Variants in PTPRD observed in about 807,000 individuals in gnomAD.
PTPRD encodes receptor-type tyrosine-protein phosphatase delta.
In PTPRD, 34 loss-of-function variants were observed where a neutral mutation model predicts 214.5. The ratio of observed to expected loss-of-function variants is 0.16; its 90% CI spans 0.12 to 0.21. The LOEUF is 0.21. Ranked by LOEUF, PTPRD falls within the 10% of genes least tolerant of loss-of-function variation. PTPRD has a pLI of 1.00. For missense variants in PTPRD, 2,545 were observed against 2,398.7 expected (o/e 1.06, Z -1.27); for synonymous variants, 1,128 against 845.7 (o/e 1.33, Z -5.79).
In PTPRD at chr9:9,528,492, T is replaced by A. The variant is rs561569663; in HGVS notation, c.-237+46240A>T. On this transcript the variant is annotated intron_variant, in intron 8 of 45. Transcript: ENST00000381196. Reference sequence around the variant, plus strand: ...AAGATTGATAACAATGTAAATAACATCAATTTATGTCATTGAGTTCCCAGG... The same window carrying A: ...AAGATTGATAACAATGTAAATAACAACAATTTATGTCATTGAGTTCCCAGG... 4.6e-5 allele frequency among the ~76,000 whole-genome samples: 7 copies of A among 152,182 alleles called. No individual in the cohort carries two copies. In the South Asian group the frequency reaches 1.5e-3, roughly 32 times the overall value.
At chr9:9,574,414 T>A (rs2087670919) in intron 8 of PTPRD, among the ~76,000 whole-genome samples, 1 of 152,002 alleles carries the variant, frequency 6.6e-6, no homozygotes, top group Non-Finnish European at 1.5e-5. Context: ...CAAATAGACT[T>A]CATTATGAAA....
At chr9:8,708,696 A>AC (rs2098262860) in intron 12 of PTPRD, among the ~76,000 whole-genome samples, 1 of 147,794 alleles carries the variant, frequency 6.8e-6, no homozygotes, top group African/African-American at 2.4e-5. Context: ...AAAAAAAAAA[A>AC]AAAAAAAACA....
At chr9:8,903,273 T>A (rs2098685182) in intron 11 of PTPRD, among the ~76,000 whole-genome samples, 1 of 152,160 alleles carries the variant, frequency 6.6e-6, no homozygotes, top group Non-Finnish European at 1.5e-5. Flanking sequence ...CTGAGCATAG[T>A]ACTCGACTAT....
intron 11 of PTPRD, among the ~76,000 whole-genome samples, chr9:8,950,269 A>G (rs1470400682): frequency 2.0e-5 from 3 of 152,166 alleles, no homozygotes; most frequent in Non-Finnish European, 4.4e-5. Flanking sequence ...GTAATTTAGA[A>G]ATTATGCATG....
intron 3 of PTPRD, among the ~76,000 whole-genome samples, chr9:10,198,946 G>C (rs748868992): frequency 6.6e-6 from 1 of 152,036 alleles, no homozygotes; most frequent in African/African-American, 2.4e-5. Flanking sequence ...TTTAAACTTT[G>C]AATGGTTCAA....
intron 2 of PTPRD, among the ~76,000 whole-genome samples, chr9:10,381,114 C>A (rs1052128913): frequency 2.0e-5 from 3 of 151,290 alleles, no homozygotes; most frequent in African/African-American, 7.3e-5. Context: ...AAAAAAAAGA[C>A]AAAAAGTAAC....
chr9:10,425,472 G>A (rs2098604841), intron 2 of PTPRD, among the ~76,000 whole-genome samples: 1 of 151,798 alleles, frequency 6.6e-6, no homozygotes, highest in Non-Finnish European at 1.5e-5. Flanking sequence ...TTTATCATCA[G>A]TAATGTGCTA....
At chr9:8,934,482 T>TATATTA (rs1567100350) in intron 11 of PTPRD, among the ~76,000 whole-genome samples, 99 of 7,628 alleles carry the variant, frequency 0.013, 3 homozygotes, top group Admixed American at 0.032. Flanking sequence ...TATATAAATA[T>TATATTA]ATATATATAT....
intron 12 of PTPRD, among the ~76,000 whole-genome samples, chr9:8,720,483 G>T (rs1441155640): frequency 6.6e-6 from 1 of 152,142 alleles, no homozygotes; most frequent in African/African-American, 2.4e-5. Context: ...AAATATTTTG[G>T]CCATGATTTC....
intron 7 of PTPRD, among the ~76,000 whole-genome samples, chr9:9,631,042 G>T (rs918260575): frequency 6.6e-6 from 1 of 151,990 alleles, no homozygotes; most frequent in Admixed American, 6.6e-5. Context: ...GCATGACTCT[G>T]TCATTTAAAA....
intron 8 of PTPRD, among the ~76,000 whole-genome samples, chr9:9,570,701 T>C (rs1312484896): frequency 6.6e-6 from 1 of 151,464 alleles, no homozygotes; most frequent in African/African-American, 2.4e-5. Context: ...ATCGATAATT[T>C]AGAAAAAGTG....
chr9:9,111,312 A>G (rs2099805763), intron 10 of PTPRD, among the ~76,000 whole-genome samples: 1 of 134,200 alleles, frequency 7.5e-6, no homozygotes, highest in Admixed American at 8.2e-5. Flanking sequence ...GTACATTCTG[A>G]TTTTTTAACC....
intron 5 of PTPRD, among the ~76,000 whole-genome samples, chr9:9,796,102 A>T (rs2099000788): frequency 1.3e-5 from 2 of 152,142 alleles, no homozygotes; most frequent in South Asian, 4.1e-4. Context: ...TGTTCATTCT[A>T]ATCAAATATT....
At position 8,735,937 on chromosome 9, in the gene PTPRD, A is replaced by C. The variant is rs1438149312; in HGVS notation, c.-103-1991T>G. Among the ~76,000 whole-genome samples the C allele has an allele frequency of 2.7e-5, 4 of 150,840 alleles. No homozygotes were observed. In the East Asian group the frequency reaches 5.8e-4, roughly 22 times the overall value. ...AAAAAAAAAAAAAAAAAGAAGATTC[A>C]GACTTTAAAAAAAAATAGGTCACAG... On this transcript the variant is annotated intron_variant, in intron 11 of 45. Transcript: ENST00000381196.
rs142707900 is a variant in PTPRD at position 10,176,153 on chromosome 9, T to C, written c.-544-142363A>G. Among the ~76,000 whole-genome samples the C allele has an allele frequency of 4.5e-3, 681 of 152,128 alleles. 3 individuals are homozygous for C. Among genetic ancestry groups the C allele is most frequent in the African/African-American group, 0.015 (627 of 41,550 alleles). On this transcript the variant is annotated intron_variant, in intron 3 of 45. Transcript: ENST00000381196. ...TACTTTAAATACTTCTTACTCAATA[T>C]AGCACAATGCTTTGTATTAACCTTT...
At chr9:10,337,620 T>C (rs2096866652) in intron 3 of PTPRD, among the ~76,000 whole-genome samples, 1 of 151,826 alleles carries the variant, frequency 6.6e-6, no homozygotes, top group Non-Finnish European at 1.5e-5. Context: ...CAGTTTTATA[T>C]GTAATTAAAA....
rs372929829 is a variant in PTPRD at position 9,966,532 on chromosome 9, T to C, written c.-471-27922A>G. On this transcript the variant is annotated intron_variant, in intron 4 of 45. Transcript: ENST00000381196. ...TCCATAAAAGGCTGAGCTATTAAAATAAGGATCTCCACAAAAAGATTACAA... is the reference window on the plus strand; with the variant it reads ...TCCATAAAAGGCTGAGCTATTAAAACAAGGATCTCCACAAAAAGATTACAA... Among the ~76,000 whole-genome samples the C allele has an allele frequency of 1.5e-3, 234 of 152,254 alleles. 6 individuals are homozygous for C. The South Asian group carries it at 0.047, about 31-fold the overall frequency.
intron 42 of PTPRD, among the ~76,000 whole-genome samples, chr9:8,339,372 C>T (rs950793451): frequency 6.6e-6 from 1 of 152,084 alleles, no homozygotes; most frequent in African/African-American, 2.4e-5. Context: ...CAAATAATTA[C>T]ATCAGTCCTT....
intron 3 of PTPRD, among the ~76,000 whole-genome samples, chr9:10,156,884 T>C (rs970754674): frequency 6.6e-6 from 1 of 152,190 alleles, no homozygotes. Flanking sequence ...TACCATTACC[T>C]AACACCCTTC....
Sources: gnomAD v4.1 joint callset for allele counts (sites outside exome capture counted in the v4.1 genomes callset) on GRCh38, gnomAD v4.1.1 for gene constraint, MANE v1.5 for transcripts, NCBI Gene and HGNC (gene_info 2026-07-23, HGNC 2026-07-21) for gene names.